The following GLI3 variants were observed in gnomAD, a reference collection of about 807,000 sequenced individuals.
GLI3 encodes the protein GLI family zinc finger 3.
A neutral mutation model predicts 100.8 loss-of-function variants in GLI3; 20 were observed. The observed-to-expected ratio is 0.20, with a 90% CI of 0.14 to 0.29. GLI3 has a LOEUF of 0.29. GLI3 is among the 10% of genes least tolerant of loss of function. The probability of loss-of-function intolerance (pLI) is 1.00; values close to 1 mark genes in which losing one functional copy is unlikely to be tolerated. For synonymous variants in GLI3, 938 were observed against 860.5 expected (o/e 1.09, Z -1.58); for missense variants, 2,040 against 2,128.5 (o/e 0.96, Z 0.82).
chr7:42,055,615 A>G (rs1304765725), intron 4 of GLI3, among the ~76,000 whole-genome samples: 1 of 151,860 alleles, frequency 6.6e-6, no homozygotes, highest in Non-Finnish European at 1.5e-5. Flanking sequence ...GGGCTTTACT[A>G]TTACTTGTTT....
intron 12 of GLI3, among the ~76,000 whole-genome samples, chr7:41,973,618 T>C (rs371385436): frequency 6.6e-6 from 1 of 152,228 alleles, no homozygotes; most frequent in East Asian, 1.9e-4. Context: ...TTTATATCTA[T>C]GTATAGCAGA....
chr7:42,169,952 C>T (rs11977555), intron 2 of GLI3, among the ~76,000 whole-genome samples: 9,300 of 151,208 alleles, frequency 0.062, 288 homozygotes, highest in Admixed American at 0.11. Flanking sequence ...TCCAATATTT[C>T]GCTAAAATTA....
chr7:42,045,615 C>A, intron 5 of GLI3, 85 bp from the exon 6 acceptor site: 3 of 1,204,754 alleles, frequency 2.5e-6, no homozygotes, highest in Non-Finnish European at 2.4e-6. Flanking sequence ...GTCCATTACA[C>A]AACCCACATC....
intron 4 of GLI3, among the ~76,000 whole-genome samples, chr7:42,060,534 T>C (rs2128746863): frequency 6.6e-6 from 1 of 152,316 alleles, no homozygotes; most frequent in African/African-American, 2.4e-5. Flanking sequence ...CTTTTGTCTT[T>C]AGAGATAGAG....
intron 10 of GLI3, among the ~76,000 whole-genome samples, chr7:42,006,069 A>T (rs1788451672): frequency 6.6e-6 from 1 of 152,226 alleles, no homozygotes; most frequent in African/African-American, 2.4e-5. Flanking sequence ...TCATCCCTCA[A>T]AAGATAAAAT....
At chr7:42,068,611 T>C (rs1329910039) in intron 4 of GLI3, among the ~76,000 whole-genome samples, 1 of 152,194 alleles carries the variant, frequency 6.6e-6, no homozygotes, top group Non-Finnish European at 1.5e-5. Context: ...GATGTGTGAT[T>C]TTCCCCGGGG....
At chr7:41,974,843 T>A (rs1243961964) in intron 12 of GLI3, among the ~76,000 whole-genome samples, 3 of 152,212 alleles carry the variant, frequency 2.0e-5, no homozygotes, top group African/African-American at 7.2e-5. Context: ...AGAAGTGTCC[T>A]CAGCAAAGGT....
intron 2 of GLI3, among the ~76,000 whole-genome samples, chr7:42,183,763 T>C (rs1190546103): frequency 6.6e-6 from 1 of 152,220 alleles, no homozygotes; most frequent in Middle Eastern, 3.4e-3. Context: ...ATAGGCTGAG[T>C]CCATCCACTT....
intron 5 of GLI3, among the ~76,000 whole-genome samples, chr7:42,046,987 C>A (rs1784259110): frequency 6.6e-6 from 1 of 152,064 alleles, no homozygotes; most frequent in African/African-American, 2.4e-5. Context: ...GAAACGCTGT[C>A]TCTACAAAAA....
intron 3 of GLI3, among the ~76,000 whole-genome samples, chr7:42,137,121 T>G (rs1258880890): frequency 6.6e-6 from 1 of 152,190 alleles, no homozygotes; most frequent in Non-Finnish European, 1.5e-5. Flanking sequence ...AAGGTTGTTT[T>G]GTGGGGATTT....
chr7:41,993,714 A>C (rs1788048591), intron 10 of GLI3, among the ~76,000 whole-genome samples: 1 of 152,206 alleles, frequency 6.6e-6, no homozygotes, highest in Non-Finnish European at 1.5e-5. Context: ...TGAAAACAAC[A>C]AGCTTTGGAG....
chr7:42,012,623 G>A lies in GLI3; in HGVS notation c.1497+10845C>T, dbSNP rs138840603. 3.9e-5 allele frequency among the ~76,000 whole-genome samples: 6 copies of A among 152,010 alleles called. No individual in the cohort carries two copies. In the East Asian group the frequency reaches 1.2e-3, roughly 29 times the overall value. On this transcript the variant is annotated intron_variant, in intron 10 of 14. Transcript: ENST00000395925. ...TGCTGGCATCTGTAATTCCGTAAAG[G>A]CTTTTCATCTTAAAATAAGATGCTC...
At chr7:42,204,606 G>A (rs1788112081) in intron 2 of GLI3, among the ~76,000 whole-genome samples, 1 of 152,168 alleles carries the variant, frequency 6.6e-6, no homozygotes. Context: ...AGTGTTTGTT[G>A]ACTATGGAAG....
intron 1 of GLI3, among the ~76,000 whole-genome samples, chr7:42,230,994 C>T (rs892375429): frequency 1.3e-5 from 2 of 152,134 alleles, no homozygotes; most frequent in Non-Finnish European, 2.9e-5. Flanking sequence ...CAGATGTGTC[C>T]CTTGTCTCGC....
chr7:41,978,874 A>G, intron 10 of GLI3, 126 bp from the exon 11 acceptor site: 2 of 833,032 alleles, frequency 2.4e-6, no homozygotes, highest in South Asian at 1.6e-5. Flanking sequence ...TAACTTTACC[A>G]TATTACAGAT....
At chr7:42,162,240 A>G (rs1007449573) in intron 2 of GLI3, among the ~76,000 whole-genome samples, 1 of 152,190 alleles carries the variant, frequency 6.6e-6, no homozygotes, top group African/African-American at 2.4e-5. Context: ...AGGTTTGAAC[A>G]AGAATTGGTT....
intron 2 of GLI3, among the ~76,000 whole-genome samples, chr7:42,167,598 C>T (rs4720416): frequency 0.059 from 8,967 of 152,236 alleles, 270 homozygotes; most frequent in Admixed American, 0.11. Flanking sequence ...TTTCCGTATA[C>T]ATACAGAGAA....
chr7:42,155,336 G>A (rs1172054085), intron 2 of GLI3, among the ~76,000 whole-genome samples: 1 of 151,938 alleles, frequency 6.6e-6, no homozygotes, highest in Non-Finnish European at 1.5e-5. Flanking sequence ...CTACTTAGGA[G>A]TCTGAGGCAG....
chr7:41,970,740 G>A (rs975730144), intron 13 of GLI3, among the ~76,000 whole-genome samples: 1 of 152,140 alleles, frequency 6.6e-6, no homozygotes, highest in Non-Finnish European at 1.5e-5. Context: ...AAGAGATTTT[G>A]GGTTCTTGGA....
Sources: gnomAD v4.1 joint callset for allele counts (sites outside exome capture counted in the v4.1 genomes callset) on GRCh38, gnomAD v4.1.1 for gene constraint, MANE v1.5 for transcripts, NCBI Gene and HGNC (gene_info 2026-07-23, HGNC 2026-07-21) for gene names.